The following DCC variants were observed in gnomAD, a reference collection of about 807,000 sequenced individuals.
DCC encodes netrin receptor DCC.
In DCC, 58 loss-of-function variants were observed where a neutral mutation model predicts 172.5. The observed-to-expected ratio is 0.34, with a 90% CI of 0.27 to 0.42. The LOEUF is 0.42. DCC is among the 10% of genes least tolerant of loss of function. The probability of loss-of-function intolerance (pLI) is 1.00; values close to 1 mark genes in which losing one functional copy is unlikely to be tolerated. For missense variants in DCC, 1,740 were observed against 1,791.0 expected, an observed-to-expected ratio of 0.97 and a Z score of 0.51; for synonymous variants, 709 against 644.5, an observed-to-expected ratio of 1.10 and a Z score of -1.52.
intron 1 of DCC, among the ~76,000 whole-genome samples, chr18:52,385,316 C>A (rs905350890): frequency 1.8e-4 from 28 of 151,484 alleles, no homozygotes; most frequent in African/African-American, 6.8e-4. Flanking sequence ...TGTTCTAGTA[C>A]CCAGGCTGGA....
chr18:52,615,449 T>C (rs538277051), intron 1 of DCC, among the ~76,000 whole-genome samples: 31 of 152,312 alleles, frequency 2.0e-4, no homozygotes, highest in Admixed American at 1.3e-4. Flanking sequence ...ATGGGGCACC[T>C]TCAGAAGCTT....
chr18:52,756,965 G>C (rs1315733606), intron 2 of DCC: 1 of 151,808 alleles, frequency 6.6e-6, no homozygotes, highest in East Asian at 1.9e-4. Flanking sequence ...TTTTTTTCAG[G>C]GCAATGAAAA....
chr18:52,399,643 C>G (rs1568151110), intron 1 of DCC, among the ~76,000 whole-genome samples: 1 of 151,950 alleles, frequency 6.6e-6, no homozygotes, highest in Non-Finnish European at 1.5e-5. Flanking sequence ...CAGTGTCAAA[C>G]TCTCTGAAAA....
chr18:53,276,195 G>T (rs1324906957), intron 12 of DCC, among the ~76,000 whole-genome samples: 1 of 152,092 alleles, frequency 6.6e-6, no homozygotes, highest in African/African-American at 2.4e-5. Context: ...ATTTCTAATA[G>T]AAAATCTATA....
intron 1 of DCC, among the ~76,000 whole-genome samples, chr18:52,477,897 A>G (rs1989139505): frequency 6.6e-6 from 1 of 151,538 alleles, no homozygotes. Flanking sequence ...GCAGCCCCAA[A>G]CTCCTGAGCT....
chr18:53,078,793 A>AT (rs1568289279), intron 7 of DCC, among the ~76,000 whole-genome samples: 1 of 152,058 alleles, frequency 6.6e-6, no homozygotes, highest in Non-Finnish European at 1.5e-5. Flanking sequence ...GACAAAATAA[A>AT]TTTTTTCATC....
At chr18:52,579,282 T>C (rs2033489442) in intron 1 of DCC, among the ~76,000 whole-genome samples, 1 of 152,192 alleles carries the variant, frequency 6.6e-6, no homozygotes, top group South Asian at 2.1e-4. Context: ...GATTTCTTTA[T>C]AAAGATAAAT....
At chr18:52,567,525 A>G (rs2033187157) in intron 1 of DCC, among the ~76,000 whole-genome samples, 1 of 152,150 alleles carries the variant, frequency 6.6e-6, no homozygotes, top group Non-Finnish European at 1.5e-5. Flanking sequence ...GCTCTTATTT[A>G]AAACAGAAGT....
At chr18:53,152,807 A>G (rs2054663364) in intron 7 of DCC, among the ~76,000 whole-genome samples, 2 of 152,230 alleles carry the variant, frequency 1.3e-5, no homozygotes, top group South Asian at 2.1e-4. Context: ...ATTAGTAAGA[A>G]CAAAATTAAT....
intron 9 of DCC, among the ~76,000 whole-genome samples, chr18:53,196,226 G>T (rs2055441101): frequency 6.6e-6 from 1 of 152,080 alleles, no homozygotes. Context: ...AGTTTTTGTA[G>T]ATCACAAAAA....
chr18:53,083,575 T>C (rs914794515), intron 7 of DCC, among the ~76,000 whole-genome samples: 1 of 152,212 alleles, frequency 6.6e-6, no homozygotes, highest in Non-Finnish European at 1.5e-5. Context: ...CAACATTACT[T>C]GCACATTAGT....
In DCC at chr18:52,490,586, T is replaced by A. The variant is rs552057645; in HGVS notation, c.91+149708T>A. ...GCTTCCCCGTGAAGGGCGCTTTCTGTTTTGTTAGCTTTGTATGTCACCAAA... is the reference window on the plus strand; with the variant it reads ...GCTTCCCCGTGAAGGGCGCTTTCTGATTTGTTAGCTTTGTATGTCACCAAA... On this transcript the variant is annotated intron_variant, in intron 1 of 28. Transcript: ENST00000442544. Among the ~76,000 whole-genome samples, 20 of 152,234 alleles carry A rather than the reference T, an allele frequency of 1.3e-4. No homozygotes were observed. In the East Asian group the frequency reaches 3.7e-3, roughly 28 times the overall value.
chr18:52,975,491 C>G (rs149567243), intron 5 of DCC, among the ~76,000 whole-genome samples: 2,101 of 152,196 alleles, frequency 0.014, 54 homozygotes, highest in African/African-American at 0.049. Context: ...AGTTGCTTTT[C>G]CTGATCCTCT....
intron 2 of DCC, among the ~76,000 whole-genome samples, chr18:52,881,363 A>G (rs1056045904): frequency 3.9e-5 from 6 of 151,946 alleles, no homozygotes; most frequent in African/African-American, 1.5e-4. Flanking sequence ...GATGTGACCC[A>G]GTTTATCTAA....
chr18:52,378,515 G>C (rs540460033), intron 1 of DCC, among the ~76,000 whole-genome samples: 2 of 152,184 alleles, frequency 1.3e-5, no homozygotes, highest in African/African-American at 4.8e-5. Flanking sequence ...AAGATACACA[G>C]CCATGAAAAA....
chr18:52,563,088 G>C (rs1447958241), intron 1 of DCC, among the ~76,000 whole-genome samples: 1 of 152,038 alleles, frequency 6.6e-6, no homozygotes, highest in Admixed American at 6.6e-5. Context: ...TCATCTCTCC[G>C]TTAGGTAGAA....
At chr18:53,035,716 C>T (rs116366054) in intron 5 of DCC, among the ~76,000 whole-genome samples, 2,930 of 152,082 alleles carry the variant, frequency 0.019, 85 homozygotes, top group African/African-American at 0.065. Flanking sequence ...GATCATGTAA[C>T]GGGGTAGTTG....
intron 3 of DCC, among the ~76,000 whole-genome samples, chr18:52,908,080 T>C (rs1212642807): frequency 1.3e-5 from 2 of 152,136 alleles, no homozygotes; most frequent in African/African-American, 2.4e-5. Context: ...ACTGGAGAAA[T>C]TGGAACTGAC....
At chr18:52,956,653 T>A (rs2040750076) in intron 5 of DCC, among the ~76,000 whole-genome samples, 1 of 152,108 alleles carries the variant, frequency 6.6e-6, no homozygotes, top group Non-Finnish European at 1.5e-5. Flanking sequence ...AAATTTTGAT[T>A]CAGATTCACA....
Sources: allele counts gnomAD v4.1 joint callset (sites outside exome capture counted in the v4.1 genomes callset), GRCh38; gene constraint gnomAD v4.1.1; transcripts MANE v1.5; gene names NCBI Gene and HGNC (gene_info 2026-07-23, HGNC 2026-07-21).